SMAD5: variants seen among roughly 807,000 people sequenced by gnomAD.
The protein encoded by SMAD5 is SMAD family member 5, also known as MAD, mothers against decapentaplegic homolog 5.
SMAD5 carries 9 observed loss-of-function variants against 43.1 expected under a neutral mutation model. That is an observed-to-expected ratio of 0.21 (90% CI 0.13 to 0.36). The LOEUF (loss-of-function observed/expected upper bound fraction) is 0.36. Ranked by LOEUF, SMAD5 falls within the 10% of genes least tolerant of loss-of-function variation. SMAD5 has a pLI of 1.00. For synonymous variants in SMAD5, 190 were observed against 192.4 expected (o/e 0.99, Z 0.10); for missense variants, 348 against 574.0 (o/e 0.61, Z 4.02).
chr5:136,163,485 T>G (rs1753896018), intron 5 of SMAD5, 94 bp downstream of exon 5: 1 of 1,032,434 alleles, frequency 9.7e-7, no homozygotes, highest in Non-Finnish European at 1.3e-6. Flanking sequence ...AGGTATAATT[T>G]ATATGCTATA....
intron 5 of SMAD5, among the ~76,000 whole-genome samples, chr5:136,163,648 A>G (rs1753902203): frequency 6.6e-6 from 1 of 151,806 alleles, no homozygotes; most frequent in Admixed American, 6.6e-5. Flanking sequence ...AGCTCCACAT[A>G]CCCTCTAATC....
chr5:136,146,608 T>C (rs1753265153), intron 1 of SMAD5, among the ~76,000 whole-genome samples: 1 of 151,640 alleles, frequency 6.6e-6, no homozygotes, highest in Admixed American at 6.6e-5. Flanking sequence ...CGAGTACTTA[T>C]GTGAGGATAC....
intron 5 of SMAD5, among the ~76,000 whole-genome samples, chr5:136,166,783 G>A (rs911497000): frequency 1.3e-5 from 2 of 151,986 alleles, no homozygotes; most frequent in African/African-American, 4.8e-5. Flanking sequence ...TGAAAATATG[G>A]ACTGTATTTA....
chr5:136,168,419 A>G (rs1328357705), intron 5 of SMAD5, among the ~76,000 whole-genome samples: 1 of 152,014 alleles, frequency 6.6e-6, no homozygotes, highest in Non-Finnish European at 1.5e-5. Context: ...GTTTTTCTTT[A>G]TAAATAGACT....
chr5:136,161,418 C>T (rs1753822091), intron 4 of SMAD5, among the ~76,000 whole-genome samples: 1 of 152,156 alleles, frequency 6.6e-6, no homozygotes, highest in Non-Finnish European at 1.5e-5. Context: ...ATTTAATCTT[C>T]AGAATGACTA....
At chr5:136,144,845 T>C (rs1368583429) in intron 1 of SMAD5, among the ~76,000 whole-genome samples, 1 of 151,950 alleles carries the variant, frequency 6.6e-6, no homozygotes, top group East Asian at 1.9e-4. Context: ...AGGATACAAA[T>C]CATGTATTCC....
intron 1 of SMAD5, among the ~76,000 whole-genome samples, chr5:136,138,458 G>A (rs1561638697): frequency 6.6e-6 from 1 of 152,192 alleles, no homozygotes; most frequent in African/African-American, 2.4e-5. Context: ...TAAAGAATAG[G>A]ATTTCTGAAT....
At chr5:136,157,968 G>A (rs1378371490) in intron 3 of SMAD5, among the ~76,000 whole-genome samples, 8 of 152,190 alleles carry the variant, frequency 5.3e-5, no homozygotes, top group African/African-American at 1.9e-4. Context: ...TTTCCTCATT[G>A]TAAAATGGTA....
chr5:136,141,834 A>G (rs1238148127), intron 1 of SMAD5, among the ~76,000 whole-genome samples: 1 of 152,214 alleles, frequency 6.6e-6, no homozygotes, highest in African/African-American at 2.4e-5. Flanking sequence ...AAATTTGTAT[A>G]ACCCCAAGTA....
At chr5:136,167,983 C>G (rs998653755) in intron 5 of SMAD5, among the ~76,000 whole-genome samples, 1 of 151,928 alleles carries the variant, frequency 6.6e-6, no homozygotes, top group Non-Finnish European at 1.5e-5. Flanking sequence ...GATTATCATA[C>G]GCATGTGCCA....
intron 1 of SMAD5, among the ~76,000 whole-genome samples, chr5:136,142,791 G>A (rs1753126121): frequency 6.6e-6 from 1 of 151,970 alleles, no homozygotes; most frequent in Non-Finnish European, 1.5e-5. Flanking sequence ...TATTTCTGTT[G>A]GCTATCATAT....
chr5:136,150,795 C>A (rs1449306846), intron 2 of SMAD5, among the ~76,000 whole-genome samples: 1 of 151,950 alleles, frequency 6.6e-6, no homozygotes, highest in Non-Finnish European at 1.5e-5. Flanking sequence ...GATTAGAATT[C>A]ATGTTTGAAT....
At chr5:136,164,528 A>T (rs932024689) in intron 5 of SMAD5, among the ~76,000 whole-genome samples, 1 of 152,178 alleles carries the variant, frequency 6.6e-6, no homozygotes, top group African/African-American at 2.4e-5. Context: ...GGCCATTTAT[A>T]TATCTTCTTT....
At position 136,163,379 on chromosome 5, in the gene SMAD5, A is replaced by G. The variant is rs754523705; in HGVS notation, c.763A>G (p.Ile255Val). ...TATGATTCCTCAGATTATGCCCAGT[A>G]TATCCAGCAGGGGTAAGAGAAGTAC... ...NNMIPQIMPSISSRDVQPVAY... is the reference protein window; with the variant it reads ...NNMIPQIMPSVSSRDVQPVAY... The change falls in exon 5 of 8, where the codon ATA becomes GTA. Residue 255 changes from isoleucine to valine, a missense_variant. Around this residue, in one of 5 missense-constraint regions of SMAD5, gnomAD observed 185 missense variants for 207.0 expected, o/e 0.89. Coordinates refer to ENST00000545279, the MANE Select transcript of SMAD5 (RefSeq NM_005903.7). The G allele has an allele frequency of 1.5e-5, 24 of 1,609,058 alleles. No individual in the cohort carries two copies. Among genetic ancestry groups the G allele is most frequent in the Non-Finnish European group, 1.8e-5 (21 of 1,176,990 alleles).
chr5:136,146,688 T>C (rs565654961), intron 1 of SMAD5, among the ~76,000 whole-genome samples: 36 of 151,950 alleles, frequency 2.4e-4, no homozygotes, highest in South Asian at 8.3e-4. Flanking sequence ...CAAGGTGTTA[T>C]TTTGAATATA....
chr5:136,175,474 T>C (rs1394623101), intron 7 of SMAD5, among the ~76,000 whole-genome samples: 2 of 152,184 alleles, frequency 1.3e-5, no homozygotes, highest in Admixed American at 6.5e-5. Flanking sequence ...CCAACCTTAA[T>C]ATTAAGGATT....
chr5:136,160,762 A>C, intron 3 of SMAD5, 94 bp from the exon 4 acceptor site: 1 of 1,202,784 alleles, frequency 8.3e-7, no homozygotes, highest in Non-Finnish European at 1.2e-6. Flanking sequence ...ATAGGTTTAC[A>C]GTCTTACATG....
At chr5:136,171,269 A>C (rs1280884322) in intron 5 of SMAD5, among the ~76,000 whole-genome samples, 1 of 152,228 alleles carries the variant, frequency 6.6e-6, no homozygotes, top group Non-Finnish European at 1.5e-5. Context: ...TGTTTAAAAT[A>C]ATTTTACAGA....
chr5:136,170,886 G>A (rs1475715401), intron 5 of SMAD5, among the ~76,000 whole-genome samples: 1 of 152,040 alleles, frequency 6.6e-6, no homozygotes, highest in East Asian at 1.9e-4. Context: ...TTGCTGTATA[G>A]GAGAGCAATC....
Sources: gnomAD v4.1 joint callset for allele counts (sites outside exome capture counted in the v4.1 genomes callset) on GRCh38, gnomAD v4.1.1 for gene constraint, gnomAD v4.1.1 regional missense constraint, MANE v1.5 for transcripts, NCBI Gene and HGNC (gene_info 2026-07-23, HGNC 2026-07-21) for gene names.